The following GLIS3 variants were observed in gnomAD, a reference collection of about 807,000 sequenced individuals.
GLIS3 encodes zinc finger protein GLIS3.
GLIS3 carries 53 observed loss-of-function variants against 78.6 expected under a neutral mutation model. The ratio of observed to expected loss-of-function variants is 0.67; its 90% CI spans 0.54 to 0.85. GLIS3 has a LOEUF of 0.85. Ranked by LOEUF, GLIS3 falls within the 40% of genes least tolerant of loss-of-function variation. The pLI is 0.00. For missense variants in GLIS3, 1,703 were observed against 1,231.1 expected (o/e 1.38, Z -5.74); for synonymous variants, 684 against 509.9 (o/e 1.34, Z -4.60).
At chr9:3,939,280 G>A (rs953457252) in intron 4 of GLIS3, among the ~76,000 whole-genome samples, 1 of 152,166 alleles carries the variant, frequency 6.6e-6, no homozygotes, top group Non-Finnish European at 1.5e-5. Context: ...TGTGAGTACA[G>A]GATAAAACAA....
chr9:4,332,136 C>T (rs1817696524), intron 2 of GLIS3, among the ~76,000 whole-genome samples: 1 of 152,212 alleles, frequency 6.6e-6, no homozygotes. Context: ...TGAAGTTCTG[C>T]AAATCCATTC....
At chr9:3,838,998 C>T (rs1172185987) in intron 9 of GLIS3, among the ~76,000 whole-genome samples, 2 of 152,220 alleles carry the variant, frequency 1.3e-5, no homozygotes, top group Non-Finnish European at 2.9e-5. Flanking sequence ...TAATTCTATA[C>T]ATTCAAACTT....
chr9:4,105,545 T>C (rs1830683765), intron 4 of GLIS3, among the ~76,000 whole-genome samples: 1 of 152,226 alleles, frequency 6.6e-6, no homozygotes, highest in East Asian at 1.9e-4. Context: ...AATAAATCAT[T>C]GACACTGCAA....
chr9:4,238,035 T>G (rs139865420), intron 2 of GLIS3, among the ~76,000 whole-genome samples: 1,630 of 152,270 alleles, frequency 0.011, 12 homozygotes, highest in South Asian at 0.042. Flanking sequence ...GACCAGAAAT[T>G]TTCCTCAGGA....
intron 2 of GLIS3, among the ~76,000 whole-genome samples, chr9:4,227,280 G>C (rs1821853173): frequency 7.0e-6 from 1 of 142,168 alleles, no homozygotes; most frequent in Non-Finnish European, 1.5e-5. Flanking sequence ...CACTCCTAAA[G>C]ATGGTTCTGG....
chr9:4,126,012 C>G, intron 2 of GLIS3, 71 bp from the exon 3 acceptor site: 2 of 1,183,340 alleles, frequency 1.7e-6, no homozygotes, highest in South Asian at 2.5e-5. Context: ...GACATGTGCA[C>G]GCTTATATCA....
chr9:3,878,970 A>T (rs10758516), intron 8 of GLIS3, among the ~76,000 whole-genome samples: 135,630 of 151,890 alleles, frequency 0.89, 61,377 homozygotes, highest in East Asian at 1. Flanking sequence ...TGTTTAAAAA[A>T]TTTCTCCCAG....
chr9:4,423,075 A>T, the GLIS3 span, among the ~76,000 whole-genome samples: 1 of 151,970 alleles, frequency 6.6e-6, no homozygotes, highest in Non-Finnish European at 1.5e-5. Context: ...GCCTGAGTAT[A>T]TGCCTCCATA....
chr9:4,075,166 G>A (rs781539366), intron 4 of GLIS3, among the ~76,000 whole-genome samples: 4 of 147,752 alleles, frequency 2.7e-5, no homozygotes, highest in African/African-American at 7.9e-5. Flanking sequence ...CTGTGGCGAT[G>A]GTACCACGAG....
rs567222677 is a variant in GLIS3, at chr9:4,299,846, G to C, written c.-524C>G. ...TCTGGGGGCCGACCCCGGGATGCTG[G>C]CTAATTGCTGCCGGCGGGTTCCGTC... is the stretch of plus-strand genomic sequence containing the variant. On this transcript the variant is annotated 5_prime_UTR_variant, in exon 1 of 11. Coordinates refer to ENST00000381971, the MANE Select transcript of GLIS3 (RefSeq NM_001042413.2). 6.6e-6 allele frequency: 1 copy of C among 152,362 alleles called. No individual in the cohort carries two copies. Among genetic ancestry groups the C allele is most frequent in the African/African-American group, 2.4e-5 (1 of 41,448 alleles). 9.4% of individuals were successfully genotyped at this position (152,362 alleles called of 1,614,324 possible). A position where few individuals can be genotyped will look rare whatever the true frequency, so the allele number is the denominator to read the frequency against.
chr9:3,880,472 T>C (rs1247234737), intron 7 of GLIS3, among the ~76,000 whole-genome samples: 1 of 152,226 alleles, frequency 6.6e-6, no homozygotes, highest in Non-Finnish European at 1.5e-5. Flanking sequence ...GCTGCAATCA[T>C]AGCAGCAGCA....
intron 4 of GLIS3, among the ~76,000 whole-genome samples, chr9:4,081,819 T>C (rs962321418): frequency 6.6e-5 from 10 of 152,230 alleles, no homozygotes; most frequent in Non-Finnish European, 1.3e-4. Flanking sequence ...AGCCATTATA[T>C]ACAAGCAATT....
At chr9:4,089,902 CG>C (rs1445715670) in intron 4 of GLIS3, among the ~76,000 whole-genome samples, 1 of 152,146 alleles carries the variant, frequency 6.6e-6, no homozygotes, top group African/African-American at 2.4e-5. Context: ...TCCACATTTC[CG>C]GGTGATCATA....
intron 2 of GLIS3, among the ~76,000 whole-genome samples, chr9:4,182,073 T>C (rs1817376374): frequency 6.6e-6 from 1 of 152,232 alleles, no homozygotes. Context: ...TAAGTACACC[T>C]ATGTTGAGCT....
the GLIS3 span, among the ~76,000 whole-genome samples, chr9:4,426,269 A>C: frequency 6.6e-6 from 1 of 152,126 alleles, no homozygotes; most frequent in Non-Finnish European, 1.5e-5. Flanking sequence ...TGTTCATAGG[A>C]TTTACTGTTT....
At chr9:4,370,107 A>G in the GLIS3 span, among the ~76,000 whole-genome samples, 1 of 144,754 alleles carries the variant, frequency 6.9e-6, no homozygotes, top group East Asian at 2.1e-4. Flanking sequence ...CAGGAGAATC[A>G]CTTGAACCCA....
At chr9:3,970,120 A>G (rs1330887310) in intron 4 of GLIS3, among the ~76,000 whole-genome samples, 2 of 152,220 alleles carry the variant, frequency 1.3e-5, no homozygotes, top group African/African-American at 4.8e-5. Context: ...AGATAATTTG[A>G]AAACAATTAT....
chr9:3,959,125 G>C (rs1817364966), intron 4 of GLIS3, among the ~76,000 whole-genome samples: 1 of 152,210 alleles, frequency 6.6e-6, no homozygotes, highest in Non-Finnish European at 1.5e-5. Flanking sequence ...ATGGTATCAG[G>C]AAGTGGGTCC....
chr9:4,318,860 T>C (rs550747166), intron 2 of GLIS3, among the ~76,000 whole-genome samples: 19 of 152,160 alleles, frequency 1.2e-4, no homozygotes, highest in Non-Finnish European at 2.1e-4. Context: ...TACTTGCTGA[T>C]TGCAAAGGGG....
Sources: gnomAD v4.1 joint callset for allele counts (sites outside exome capture counted in the v4.1 genomes callset) on GRCh38, gnomAD v4.1.1 for gene constraint, MANE v1.5 for transcripts, NCBI Gene and HGNC (gene_info 2026-07-23, HGNC 2026-07-21) for gene names.